Variants in RCOR1 observed in about 807,000 individuals in gnomAD.
RCOR1 encodes the protein REST corepressor.
In RCOR1, 12 loss-of-function variants were observed where a neutral mutation model predicts 64.0. That is an observed-to-expected ratio of 0.19 (90% CI 0.12 to 0.30). RCOR1 has a LOEUF of 0.30. RCOR1 is among the 10% of genes least tolerant of loss of function. The pLI, the probability that RCOR1 is intolerant of heterozygous loss-of-function variation, is 1.00. For synonymous variants in RCOR1, 279 were observed against 227.2 expected (o/e 1.23, Z -2.05); for missense variants, 502 against 621.2 (o/e 0.81, Z 2.04).
chr14:102,694,250 A>G (rs1290086649), intron 3 of RCOR1, among the ~76,000 whole-genome samples: 1 of 152,128 alleles, frequency 6.6e-6, no homozygotes, highest in African/African-American at 2.4e-5. Flanking sequence ...CCACTAAGAA[A>G]TAGCTTTAAA....
At chr14:102,666,765 G>T (rs978497416) in intron 2 of RCOR1, among the ~76,000 whole-genome samples, 3 of 152,180 alleles carry the variant, frequency 2.0e-5, no homozygotes, top group African/African-American at 7.2e-5. Context: ...CACAGACGTA[G>T]AGTGCCATTT....
intron 9 of RCOR1, 83 bp downstream of exon 9, chr14:102,721,167 A>G (rs1896162083): frequency 2.9e-6 from 3 of 1,017,436 alleles, no homozygotes; most frequent in East Asian, 2.4e-5. Flanking sequence ...ATACATCCCC[A>G]GTATACATCT....
intron 2 of RCOR1, among the ~76,000 whole-genome samples, chr14:102,616,221 T>C (rs1481505035): frequency 4.7e-5 from 1 of 21,278 alleles, no homozygotes; most frequent in Non-Finnish European, 1.2e-4. Flanking sequence ...TGTGTGTGTG[T>C]GTGTGTGTGT....
intron 2 of RCOR1, among the ~76,000 whole-genome samples, chr14:102,671,555 C>G (rs773677311): frequency 1.6e-4 from 25 of 152,102 alleles, no homozygotes; most frequent in Non-Finnish European, 3.2e-4. Flanking sequence ...ACCACCATAT[C>G]TGGCTAACTT....
intron 2 of RCOR1, among the ~76,000 whole-genome samples, chr14:102,610,289 T>C (rs1182397967): frequency 6.6e-6 from 1 of 152,192 alleles, no homozygotes; most frequent in Non-Finnish European, 1.5e-5. Context: ...TAGATTTTCC[T>C]TGTAGTTATC....
chr14:102,683,060 T>C (rs550348103), intron 3 of RCOR1, among the ~76,000 whole-genome samples: 1 of 152,310 alleles, frequency 6.6e-6, no homozygotes, highest in East Asian at 1.9e-4. Context: ...AGAATTTAAT[T>C]TTAATGTTAT....
intron 5 of RCOR1, 70 bp from the exon 6 acceptor site, chr14:102,708,395 C>T (rs1467304179): frequency 2.5e-5 from 23 of 929,724 alleles, no homozygotes; most frequent in African/African-American, 1.1e-4. Flanking sequence ...CCGCTGCGCC[C>T]GGCCTTAAAC....
chr14:102,631,477 A>G (rs1894109720), intron 2 of RCOR1, among the ~76,000 whole-genome samples: 1 of 151,992 alleles, frequency 6.6e-6, no homozygotes, highest in South Asian at 2.1e-4. Flanking sequence ...TGCTGGGATT[A>G]CAGGTGTGAG....
intron 2 of RCOR1, among the ~76,000 whole-genome samples, chr14:102,652,863 A>G (rs979414657): frequency 6.6e-6 from 1 of 152,202 alleles, no homozygotes; most frequent in Non-Finnish European, 1.5e-5. Context: ...GGGAGTGTGG[A>G]TAAAAAACTG....
chr14:102,693,588 G>C (rs1895582611), intron 3 of RCOR1, among the ~76,000 whole-genome samples: 1 of 151,346 alleles, frequency 6.6e-6, no homozygotes, highest in Non-Finnish European at 1.5e-5. Flanking sequence ...ACAGGCAGGA[G>C]AGCCTGCCCT....
intron 2 of RCOR1, among the ~76,000 whole-genome samples, chr14:102,630,753 TGAA>T (rs1320741424): frequency 6.6e-6 from 1 of 152,166 alleles, no homozygotes; most frequent in African/African-American, 2.4e-5. Flanking sequence ...GACTGTTTCA[TGAA>T]GAATTCCAGA....
intron 6 of RCOR1, among the ~76,000 whole-genome samples, chr14:102,709,016 T>G (rs1428850890): frequency 6.6e-6 from 1 of 152,194 alleles, no homozygotes; most frequent in Non-Finnish European, 1.5e-5. Context: ...AGAGAAACAT[T>G]TTATAATCTC....
At chr14:102,629,452 C>A (rs1425580941) in intron 2 of RCOR1, among the ~76,000 whole-genome samples, 1 of 151,910 alleles carries the variant, frequency 6.6e-6, no homozygotes. Flanking sequence ...TCCCCCCCCC[C>A]CACCACTGCT....
At chr14:102,603,757 A>G (rs1893450180) in intron 2 of RCOR1, among the ~76,000 whole-genome samples, 1 of 152,012 alleles carries the variant, frequency 6.6e-6, no homozygotes, top group African/African-American at 2.4e-5. Flanking sequence ...GGTAGCTGGG[A>G]CTACAGGAGT....
intron 2 of RCOR1, among the ~76,000 whole-genome samples, chr14:102,666,401 C>G (rs1894917506): frequency 6.6e-6 from 1 of 152,178 alleles, no homozygotes; most frequent in African/African-American, 2.4e-5. Flanking sequence ...ATACCCTACA[C>G]CCAGTTTCCC....
intron 2 of RCOR1, among the ~76,000 whole-genome samples, chr14:102,677,017 C>T (rs867702343): frequency 0.15 from 7,900 of 53,352 alleles, 631 homozygotes; most frequent in East Asian, 0.2. Flanking sequence ...ACGGGGCGGC[C>T]GGCCGGGCGG....
intron 2 of RCOR1, among the ~76,000 whole-genome samples, chr14:102,621,393 T>TTTTTTTTG (rs60982918): frequency 1.2e-5 from 1 of 80,886 alleles, no homozygotes; most frequent in African/African-American, 3.9e-5. Flanking sequence ...TTTTTTTTTT[T>TTTTTTTTG]GAGAAAAGGT....
intron 3 of RCOR1, among the ~76,000 whole-genome samples, chr14:102,688,283 A>G (rs1895463008): frequency 6.6e-6 from 1 of 152,272 alleles, no homozygotes; most frequent in Non-Finnish European, 1.5e-5. Context: ...TCATTTTTAA[A>G]GGTGTGAAGA....
chr14:102,592,769 G>A lies in RCOR1; in HGVS notation c.-118G>A, dbSNP rs1471408695. 1.7e-6 allele frequency: 2 copies of A among 1,207,190 alleles called. No individual in the cohort carries two copies. The highest frequency in any genetic ancestry group is 2.1e-6 in the Non-Finnish European group (2 of 972,540). 74.8% of individuals were successfully genotyped at this position (1,207,190 alleles called of 1,614,324 possible). A position where few individuals can be genotyped will look rare whatever the true frequency, so the allele number is the denominator to read the frequency against. On this transcript the variant is annotated 5_prime_UTR_variant, in exon 1 of 12. Transcript: ENST00000262241. ...TCCCCCGACTCGGACTCGCGCCCGTGGGCTCCCGCCGCGCCCGCCCGGCCC... is the reference window on the plus strand; with the variant it reads ...TCCCCCGACTCGGACTCGCGCCCGTAGGCTCCCGCCGCGCCCGCCCGGCCC...
Sources: gnomAD v4.1 joint callset for allele counts (sites outside exome capture counted in the v4.1 genomes callset) on GRCh38, gnomAD v4.1.1 for gene constraint, MANE v1.5 for transcripts, NCBI Gene and HGNC (gene_info 2026-07-23, HGNC 2026-07-21) for gene names.